Variants in UNC13C observed in about 807,000 individuals in gnomAD.
UNC13C encodes unc-13 homolog C.
UNC13C carries 174 observed loss-of-function variants against 245.4 expected under a neutral mutation model. That is an observed-to-expected ratio of 0.71 (90% confidence interval 0.63 to 0.80). UNC13C has a LOEUF of 0.80. UNC13C is among the 30% of genes least tolerant of loss of function. The probability of loss-of-function intolerance (pLI) is 0.00; values close to 1 mark genes in which losing one functional copy is unlikely to be tolerated. For synonymous variants in UNC13C, 992 were observed against 895.1 expected (o/e 1.11, Z -1.93); for missense variants, 2,829 against 2,602.9 (o/e 1.09, Z -1.89).
At chr15:54,153,918 G>T (rs919844566) in intron 4 of UNC13C, among the ~76,000 whole-genome samples, 1 of 151,920 alleles carries the variant, frequency 6.6e-6, no homozygotes, top group East Asian at 1.9e-4. Flanking sequence ...CTAAAAATTG[G>T]TATATAATAG....
chr15:54,297,979 G>A, intron 12 of UNC13C, 53 bp downstream of exon 12: 3 of 1,222,450 alleles, frequency 2.5e-6, no homozygotes, highest in East Asian at 2.6e-5. Flanking sequence ...TCTTGATTAT[G>A]GATTATAAAA....
intron 14 of UNC13C, among the ~76,000 whole-genome samples, chr15:54,325,976 T>A (rs1398731290): frequency 2.6e-5 from 4 of 151,782 alleles, no homozygotes; most frequent in Non-Finnish European, 4.4e-5. Flanking sequence ...AAGAGTGAGG[T>A]TGTGAATTTC....
At chr15:54,370,310 T>C (rs2140881591) in intron 17 of UNC13C, among the ~76,000 whole-genome samples, 1 of 152,288 alleles carries the variant, frequency 6.6e-6, no homozygotes, top group South Asian at 2.1e-4. Context: ...CCCTAGGAAC[T>C]GTCTATTGTT....
At chr15:54,129,191 G>T (rs1373379111) in intron 2 of UNC13C, among the ~76,000 whole-genome samples, 1 of 152,182 alleles carries the variant, frequency 6.6e-6, no homozygotes, top group East Asian at 1.9e-4. Context: ...TTCCACTAAT[G>T]AATTTTACAT....
chr15:54,058,548 A>C (rs1897650387), intron 2 of UNC13C, among the ~76,000 whole-genome samples: 2 of 152,358 alleles, frequency 1.3e-5, no homozygotes, highest in South Asian at 4.1e-4. Flanking sequence ...AGGAGCTGGT[A>C]CCATTCCTTC....
chr15:54,015,616 T>C lies in UNC13C; in HGVS notation c.2713T>C (p.Tyr905His). 6.2e-7 allele frequency: 1 copy of C among 1,613,782 alleles called. No individual in the cohort carries two copies. The highest frequency in any genetic ancestry group is 8.5e-7 in the Non-Finnish European group (1 of 1,179,778). ...ITETDEQMQA[Y>H]DHLSYETPYE... ...TGAAACAGATGAACAAATGCAAGCA[T>C]ATGATCACCTTTCATATGAAACACC... Residue 905 changes from tyrosine (Y) to histidine (H), a missense_variant, in exon 2 of 33, where the codon TAT becomes CAT. Coordinates refer to ENST00000260323, the MANE Select transcript of UNC13C (RefSeq NM_001080534.3).
chr15:54,307,890 A>T (rs2037769010), intron 13 of UNC13C, among the ~76,000 whole-genome samples: 1 of 151,960 alleles, frequency 6.6e-6, no homozygotes, highest in Non-Finnish European at 1.5e-5. Flanking sequence ...GAATGAATAA[A>T]ATTCTAACTT....
chr15:54,525,670 G>A, intron 25 of UNC13C, 33 bp downstream of exon 25: 1 of 1,543,440 alleles, frequency 6.5e-7, no homozygotes, highest in African/African-American at 1.4e-5. Context: ...ATCTAAATTA[G>A]ATAATTAGGT....
At chr15:54,612,583 TCC>T (rs1433185062) in intron 30 of UNC13C, among the ~76,000 whole-genome samples, 1 of 152,024 alleles carries the variant, frequency 6.6e-6, no homozygotes, top group Admixed American at 6.6e-5. Flanking sequence ...TAGTAAAAAC[TCC>T]TCCTAGAACA....
chr15:53,997,326 T>C (rs1894680992), intron 1 of UNC13C, among the ~76,000 whole-genome samples: 1 of 152,184 alleles, frequency 6.6e-6, no homozygotes, highest in Non-Finnish European at 1.5e-5. Flanking sequence ...ACAAATCAGA[T>C]GTGTGCATTG....
chr15:54,591,708 T>C (rs1447144434), intron 30 of UNC13C, among the ~76,000 whole-genome samples: 4 of 152,192 alleles, frequency 2.6e-5, no homozygotes, highest in African/African-American at 9.6e-5. Flanking sequence ...TAATAGTCCA[T>C]CAATTTTATT....
chr15:54,115,768 G>C (rs1271236271), intron 2 of UNC13C, among the ~76,000 whole-genome samples: 5 of 152,026 alleles, frequency 3.3e-5, no homozygotes, highest in African/African-American at 1.2e-4. Context: ...TATATTCCTA[G>C]CCCTGGGGAT....
the UNC13C span, among the ~76,000 whole-genome samples, chr15:53,915,090 G>A: frequency 1.3e-5 from 2 of 152,168 alleles, no homozygotes; most frequent in Admixed American, 1.3e-4. Flanking sequence ...CCTCACAGGA[G>A]GGAGGGTTCA....
intron 8 of UNC13C, among the ~76,000 whole-genome samples, chr15:54,255,660 G>A (rs963882367): frequency 8.2e-6 from 1 of 122,586 alleles, no homozygotes; most frequent in African/African-American, 3.9e-5. Flanking sequence ...CAGGATGGGG[G>A]CGTGGCAGGC....
intron 30 of UNC13C, among the ~76,000 whole-genome samples, chr15:54,614,225 G>A (rs965461158): frequency 2.0e-5 from 3 of 151,992 alleles, no homozygotes; most frequent in African/African-American, 7.2e-5. Flanking sequence ...TATTGCTAGT[G>A]TCTTATTCTG....
At chr15:54,082,338 C>G (rs11636898) in intron 2 of UNC13C, among the ~76,000 whole-genome samples, 70,908 of 152,008 alleles carry the variant, frequency 0.47, 18,560 homozygotes, top group Non-Finnish European at 0.6. Context: ...GGCAATTTTC[C>G]TGAACTATTC....
At chr15:53,946,042 T>C in the UNC13C span, among the ~76,000 whole-genome samples, 1 of 152,164 alleles carries the variant, frequency 6.6e-6, no homozygotes, top group East Asian at 1.9e-4. Context: ...GATTTGGCTG[T>C]TGGTGGTGTA....
At position 54,411,339 on chromosome 15, in the gene UNC13C, T is replaced by C. The variant is rs2040412855; in HGVS notation, c.4848-3643T>C. ...GTGTCTTTTGAAGATCAGATTTTAA[T>C]TCATGAAGTTCAATTTATCAATATT... On this transcript the variant is annotated intron_variant, in intron 18 of 32. Transcript: ENST00000260323. Among the ~76,000 whole-genome samples the C allele has an allele frequency of 2.0e-5, 3 of 152,186 alleles. No homozygotes were observed. The South Asian group carries it at 6.2e-4, about 31-fold the overall frequency.
intron 23 of UNC13C, 116 bp from the exon 24 acceptor site, chr15:54,511,637 A>G: frequency 1.5e-6 from 1 of 680,702 alleles, no homozygotes; most frequent in South Asian, 1.9e-5. Flanking sequence ...ATTAGTATAT[A>G]CATCTAATAT....
Sources: gnomAD v4.1 joint callset for allele counts (sites outside exome capture counted in the v4.1 genomes callset) on GRCh38, gnomAD v4.1.1 for gene constraint, MANE v1.5 for transcripts, NCBI Gene and HGNC (gene_info 2026-07-23, HGNC 2026-07-21) for gene names.